APOBEC3G: variants seen among roughly 807,000 people sequenced by gnomAD.
The protein encoded by APOBEC3G is apolipoprotein B mRNA editing enzyme catalytic subunit 3G.
APOBEC3G carries 44 observed loss-of-function variants against 50.0 expected under a neutral mutation model. The observed-to-expected ratio is 0.88, with a 90% CI of 0.69 to 1.13. The LOEUF is 1.13. APOBEC3G is among the 50% of genes most tolerant of loss of function. The probability of loss-of-function intolerance (pLI) is 0.00; values close to 1 mark genes in which losing one functional copy is unlikely to be tolerated. For missense variants in APOBEC3G, 469 were observed against 492.0 expected, an observed-to-expected ratio of 0.95 and a Z score of 0.44; for synonymous variants, 156 against 175.3, an observed-to-expected ratio of 0.89 and a Z score of 0.87.
At chr22:39,083,671 G>T in intron 4 of APOBEC3G, 60 bp from the exon 5 acceptor site, 1 of 1,571,122 alleles carries the variant, frequency 6.4e-7, no homozygotes, top group Non-Finnish European at 8.7e-7. Context: ...GGAGAGGGAG[G>T]GGGAGGTGGG....
chr22:39,079,357 GC>G (rs1928326643), intron 2 of APOBEC3G: 4 of 385,824 alleles, frequency 1.0e-5, no homozygotes, highest in Non-Finnish European at 1.8e-5. Context: ...CACTCTTGTT[GC>G]TCAGGCTGGA....
chr22:39,083,684 A>G (rs1374139029), intron 4 of APOBEC3G, 47 bp from the exon 5 acceptor site: 2 of 1,597,404 alleles, frequency 1.3e-6, no homozygotes, highest in Admixed American at 3.4e-5. Context: ...GAGGTGGGAC[A>G]GACCAGGAGG....
chr22:39,081,615 C>CGCTCCTCTCACCTCCT, intron 4 of APOBEC3G, 30 bp downstream of exon 4: 1 of 1,560,290 alleles, frequency 6.4e-7, no homozygotes, highest in South Asian at 1.1e-5. Flanking sequence ...CTCATCGCCT[C>CGCTCCTCTCACCTCCT]GCTCCTCTCA....
In APOBEC3G at chr22:39,086,542, C is replaced by T. The variant is rs375368638; in HGVS notation, c.999C>T (p.Ala333=). ...EGLRTLAEAG[A]KISIMTYSEF... is the part of the protein sequence containing the mutation. ...TGCGCACCCTGGCCGAGGCTGGGGC[C>T]AAAATTTCAATAATGACATACAGTG... Residue 333 remains alanine (A), a synonymous_variant, in exon 6 of 8, where the codon GCC becomes GCT. Transcript: ENST00000407997. The T allele has an allele frequency of 1.6e-4, 251 of 1,608,292 alleles. No individual in the cohort carries two copies. Among genetic ancestry groups the T allele is most frequent in the Non-Finnish European group, 2.0e-4 (234 of 1,176,426 alleles).
intron 1 of APOBEC3G, among the ~76,000 whole-genome samples, chr22:39,077,812 G>A (rs1381310041): frequency 1.3e-5 from 2 of 152,206 alleles, no homozygotes; most frequent in Non-Finnish European, 2.9e-5. Flanking sequence ...CAAGTCTTAG[G>A]AGAGGGTGTG....
At position 39,086,517 on chromosome 22, in the gene APOBEC3G, T is replaced by A. The variant is rs1362397545; in HGVS notation, c.974T>A (p.Leu325Gln). Residue 325 changes from leucine to glutamine, a missense_variant, in exon 6 of 8, where the codon CTG becomes CAG. Transcript: ENST00000407997. ...GATCAAGGAAGATGTCAGGAGGGGC[T>A]GCGCACCCTGGCCGAGGCTGGGGCC... Reference protein sequence around the residue: ...YDDQGRCQEGLRTLAEAGAKI... With the variant: ...YDDQGRCQEGQRTLAEAGAKI... 2 of 1,612,870 alleles carry A rather than the reference T, an allele frequency of 1.2e-6. No homozygotes were observed. The highest frequency in any genetic ancestry group is 3.3e-5 in the Admixed American group (2 of 59,938).
chr22:39,078,007 C>T (rs1928237067), intron 1 of APOBEC3G, among the ~76,000 whole-genome samples: 2 of 152,318 alleles, frequency 1.3e-5, no homozygotes, highest in Admixed American at 6.5e-5. Flanking sequence ...CACCTGTCAT[C>T]CCAGCACTTT....
At chr22:39,083,924 C>T in intron 5 of APOBEC3G, 40 bp downstream of exon 5, 1 of 1,600,250 alleles carries the variant, frequency 6.2e-7, no homozygotes, top group Non-Finnish European at 8.5e-7. Flanking sequence ...AGGGCCCTCC[C>T]AACCCAGGGA....
Position 39,077,328 on chromosome 22 carries a change from G to A in APOBEC3G, c.-34G>A, listed in dbSNP as rs751876225. On this transcript the variant is annotated 5_prime_UTR_variant, in exon 1 of 8. Coordinates refer to ENST00000407997, the MANE Select transcript of APOBEC3G (RefSeq NM_021822.4). The stretch of plus-strand genomic sequence containing the variant: ...CAGAAAGTGAAACCCTGGTGCTCCA[G>A]ACAAAGATCTTAGTCGGGACTAGCC... The A allele has an allele frequency of 1.3e-6, 2 of 1,566,142 alleles. No homozygotes were observed. The highest frequency in any genetic ancestry group is 2.3e-5 in the South Asian group (2 of 85,202).
intron 3 of APOBEC3G, 65 bp from the exon 4 acceptor site, chr22:39,081,406 A>T: frequency 6.5e-7 from 1 of 1,547,808 alleles, no homozygotes; most frequent in Non-Finnish European, 8.9e-7. Context: ...CTGGGAGGGG[A>T]GGGTCCCGAG....
intron 2 of APOBEC3G, chr22:39,080,235 G>C (rs1357452252): frequency 1.3e-6 from 1 of 792,650 alleles, no homozygotes; most frequent in African/African-American, 1.9e-5. Flanking sequence ...CACAGTAGGG[G>C]CTGAGGATGT....
At chr22:39,079,151 C>G (rs1928314287) in intron 2 of APOBEC3G, 66 bp downstream of exon 2, 1 of 1,566,906 alleles carries the variant, frequency 6.4e-7, no homozygotes, top group East Asian at 2.3e-5. Context: ...AAACCACGCA[C>G]TGATAAGTGA....
Position 39,080,975 on chromosome 22 carries a change from C to T in APOBEC3G, c.214C>T (p.His72Tyr). The T allele has an allele frequency of 6.2e-7, 1 of 1,614,048 alleles. No homozygotes were observed. Among genetic ancestry groups the T allele is most frequent in the East Asian group, 2.2e-5 (1 of 44,882 alleles). The change falls in exon 3 of 8, where the codon CAC becomes TAC. Residue 72 changes from histidine to tyrosine, a missense_variant. By Grantham distance (83) the His-to-Tyr change is moderately conservative (BLOSUM62 2). Coordinates refer to ENST00000407997, the MANE Select transcript of APOBEC3G (RefSeq NM_021822.4). Reference protein sequence around the residue: ...LKYHPEMRFFHWFSKWRKLHR... With the variant: ...LKYHPEMRFFYWFSKWRKLHR... ...GTACCACCCAGAGATGAGATTCTTC[C>T]ACTGGTTCAGCAAGTGGAGGAAGCT...
At chr22:39,081,897 G>A (rs772036963) in intron 4 of APOBEC3G, 3 of 298,468 alleles carry the variant, frequency 1.0e-5, no homozygotes, top group Non-Finnish European at 1.9e-5. Flanking sequence ...TGGCATAACC[G>A]AATTTGTCGT....
intron 1 of APOBEC3G, among the ~76,000 whole-genome samples, chr22:39,077,983 G>A (rs531740480): frequency 6.6e-6 from 1 of 152,172 alleles, no homozygotes; most frequent in Non-Finnish European, 1.5e-5. Flanking sequence ...ATAGTGGCCG[G>A]GTGCGGTGGC....
chr22:39,087,236 C>G (rs910037066), intron 7 of APOBEC3G, 110 bp downstream of exon 7: 13 of 1,600,830 alleles, frequency 8.1e-6, no homozygotes, highest in Non-Finnish European at 7.7e-6. Flanking sequence ...TCCCTGCTCC[C>G]CCAGGGCACC....
At chr22:39,081,388 G>C in intron 3 of APOBEC3G, 83 bp from the exon 4 acceptor site, 1 of 1,535,400 alleles carries the variant, frequency 6.5e-7, no homozygotes, top group Non-Finnish European at 8.9e-7. Context: ...CTAGTATCTA[G>C]AATATGTCTG....
intron 5 of APOBEC3G, among the ~76,000 whole-genome samples, chr22:39,085,145 G>A (rs952328930): frequency 4.6e-5 from 7 of 152,148 alleles, no homozygotes; most frequent in East Asian, 3.9e-4. Context: ...GTTCCCAGTC[G>A]AAATTTGGAC....
chr22:39,087,743 A>G lies in APOBEC3G; in HGVS notation c.*322A>G. The G allele has an allele frequency of 5.1e-6, 2 of 394,394 alleles. No homozygotes were observed. Among genetic ancestry groups the G allele is most frequent in the Non-Finnish European group, 9.2e-6 (2 of 217,882 alleles). 24.4% of individuals were successfully genotyped at this position (394,394 alleles called of 1,614,324 possible). On this transcript the variant is annotated 3_prime_UTR_variant, in exon 8 of 8. Transcript: ENST00000407997. The stretch of plus-strand genomic sequence containing the variant: ...AAAATGAAATACTAAATCTTTCTGT[A>G]TATGTTTCCCTGTGTGATTGTATCA...
Sources: gnomAD v4.1 joint callset for allele counts (sites outside exome capture counted in the v4.1 genomes callset) on GRCh38, gnomAD v4.1.1 for gene constraint, MANE v1.5 for transcripts, NCBI Gene and HGNC (gene_info 2026-07-23, HGNC 2026-07-21) for gene names.